The following PKHD1L1 variants were observed in gnomAD, a reference collection of about 807,000 sequenced individuals.
The protein encoded by PKHD1L1 is fibrocystin-L.
A neutral mutation model predicts 462.9 loss-of-function variants in PKHD1L1; 434 were observed. The ratio of observed to expected loss-of-function variants is 0.94; its 90% CI spans 0.87 to 1.02. PKHD1L1 has a LOEUF of 1.02. Among genes scored for constraint, PKHD1L1 ranks in the 50% least tolerant of loss-of-function variants. The pLI is 0.00. For missense variants in PKHD1L1, 5,202 were observed against 5,096.1 expected, an observed-to-expected ratio of 1.02 and a Z score of -0.63; for synonymous variants, 1,781 against 1,750.0, an observed-to-expected ratio of 1.02 and a Z score of -0.44.
At position 109,438,989 on chromosome 8, in the gene PKHD1L1, C is replaced by G. The variant is rs767473802; in HGVS notation, c.3853C>G (p.Leu1285Val). Residue 1285 changes from leucine to valine, a missense_variant, in exon 32 of 78, where the codon CTT (leucine) becomes GTT (valine). Physicochemically the swap from Leu to Val is conservative, Grantham distance 32. This residue lies in a region of PKHD1L1 where 4,497 missense variants were observed against 4,336.8 expected (regional missense o/e 1.04). Transcript: ENST00000378402. Reference sequence around the variant, plus strand: ...TGTTGGAGGAAAAACCTGCCAGATTCTTCACTGGAACTTCACAGATATTAG... The same window carrying G: ...TGTTGGAGGAAAAACCTGCCAGATTGTTCACTGGAACTTCACAGATATTAG... ...VYVGGKTCQI[L>V]HWNFTDIRCL... is the part of the protein sequence containing the mutation. The G allele has an allele frequency of 6.2e-7, 1 of 1,613,656 alleles. No individual in the cohort carries two copies. Among genetic ancestry groups the G allele is most frequent in the South Asian group, 1.1e-5 (1 of 91,072 alleles).
Position 109,522,355 on chromosome 8 carries a change from G to A in PKHD1L1, c.12183+18G>A. The A allele has an allele frequency of 1.3e-6, 2 of 1,512,176 alleles. No individual in the cohort carries two copies. Among genetic ancestry groups the A allele is most frequent in the Admixed American group, 2.4e-5 (1 of 42,140 alleles). 93.7% of individuals were successfully genotyped at this position (1,512,176 alleles called of 1,614,324 possible). A position where few individuals can be genotyped will look rare whatever the true frequency, so the allele number is the denominator to read the frequency against. Reference sequence around the variant, plus strand: ...GGATTAAGGTAAGAAAATGCAACTAGAAAAAATGCATTTTTTGGGACTTAA... The same window carrying A: ...GGATTAAGGTAAGAAAATGCAACTAAAAAAAATGCATTTTTTGGGACTTAA... On this transcript the variant is annotated intron_variant, in intron 74 of 77. Transcript: ENST00000378402.
At chr8:109,423,164 T>C (rs1814561297) in intron 23 of PKHD1L1, among the ~76,000 whole-genome samples, 1 of 152,138 alleles carries the variant, frequency 6.6e-6, no homozygotes, top group Non-Finnish European at 1.5e-5. Context: ...TTTATCACTT[T>C]TTTTTTTCTT....
chr8:109,459,379 C>T (rs1816988256), intron 46 of PKHD1L1, among the ~76,000 whole-genome samples: 1 of 152,012 alleles, frequency 6.6e-6, no homozygotes, highest in South Asian at 2.1e-4. Context: ...GAATGTAGAC[C>T]TTGAAAAATA....
chr8:109,444,661 G>T lies in PKHD1L1; in HGVS notation c.4792G>T (p.Val1598Phe), dbSNP rs1295187804. ...TATTTTGTATTCATTTTACTTACAGGTTACAATTGGTAGCTACCCCTGTGT... is the reference window on the plus strand; with the variant it reads ...TATTTTGTATTCATTTTACTTACAGTTTACAATTGGTAGCTACCCCTGTGT... ...GFSNLPWANK[V>F]TIGSYPCVVE... Residue 1598 changes from valine (V) to phenylalanine (F), a missense_variant and splice_region_variant, in exon 38 of 78, where the codon GTT becomes TTT. Around this residue, in one of 3 missense-constraint regions of PKHD1L1, gnomAD observed 4,497 missense variants for 4,336.8 expected, o/e 1.04. Coordinates refer to ENST00000378402, the MANE Select transcript of PKHD1L1 (RefSeq NM_177531.6). 1.2e-6 allele frequency: 2 copies of T among 1,609,170 alleles called. No individual in the cohort carries two copies. Among genetic ancestry groups the T allele is most frequent in the Non-Finnish European group, 8.5e-7 (1 of 1,176,626 alleles).
In PKHD1L1 at chr8:109,535,325, A is replaced by G. The variant is rs1166122693; in HGVS notation, c.*5235A>G. Among the ~76,000 whole-genome samples, 1 of 152,196 alleles carries G rather than the reference A, an allele frequency of 6.6e-6. No individual in the cohort carries two copies. Among genetic ancestry groups the G allele is most frequent in the Admixed American group, 6.5e-5 (1 of 15,278 alleles). On this transcript the variant is annotated 3_prime_UTR_variant, in exon 78 of 78. Coordinates refer to ENST00000378402, the MANE Select transcript of PKHD1L1 (RefSeq NM_177531.6). ...CATTTAGGCAGATGATCCTTTATAT[A>G]TGTAAACGCTATAAATTCTTAGGAA...
chr8:109,505,695 T>G (rs137955631), intron 68 of PKHD1L1, among the ~76,000 whole-genome samples: 4 of 152,120 alleles, frequency 2.6e-5, no homozygotes, highest in Admixed American at 2.6e-4. Context: ...GCCCAGGAGT[T>G]TGAGGCCAGC....
Position 109,419,088 on chromosome 8 carries a change from G to T in PKHD1L1, c.2361-9G>T, listed in dbSNP as rs376804668. ...GATCTATACAACAAATTAATCAACC[G>T]TATTTCAGCTGGACTTACACTTGCA... On this transcript the variant is annotated splice_polypyrimidine_tract_variant and intron_variant, in intron 21 of 77. Transcript: ENST00000378402. 1 of 1,607,386 alleles carries T rather than the reference G, an allele frequency of 6.2e-7. No individual in the cohort carries two copies. Among genetic ancestry groups the T allele is most frequent in the Non-Finnish European group, 8.5e-7 (1 of 1,175,556 alleles).
intron 46 of PKHD1L1, 62 bp from the exon 47 acceptor site, chr8:109,459,533 C>T (rs77992760): frequency 0.067 from 87,183 of 1,297,344 alleles, 3,281 homozygotes; most frequent in Non-Finnish European, 0.077. Context: ...ACAAATATAC[C>T]AAAACAATAT....
At position 109,420,624 on chromosome 8, in the gene PKHD1L1, T is replaced by C. The variant is rs758596180; in HGVS notation, c.2631T>C (p.Tyr877=). The change falls in exon 23 of 78, where the codon TAT becomes TAC. Residue 877 remains tyrosine (Y), a synonymous_variant. Transcript: ENST00000378402. ...ATGGGCCAACTATGACAAACCAATA[T>C]TCTGTTACCATGACTTCATACAATT... ...KTNGPTMTNQ[Y]SVTMTSYNCS... is the part of the protein sequence containing the mutation. 2 of 1,609,594 alleles carry C rather than the reference T, an allele frequency of 1.2e-6. No homozygotes were observed. Among genetic ancestry groups the C allele is most frequent in the East Asian group, 2.3e-5 (1 of 44,382 alleles).
chr8:109,444,675 C>T lies in PKHD1L1; in HGVS notation c.4806C>T (p.Ser1602=). The T allele has an allele frequency of 6.2e-7, 1 of 1,611,936 alleles. No individual in the cohort carries two copies. Among genetic ancestry groups the T allele is most frequent in the Non-Finnish European group, 8.5e-7 (1 of 1,178,376 alleles). Residue 1602 remains serine (S), a synonymous_variant, in exon 38 of 78, where the codon AGC becomes AGT. Transcript: ENST00000378402. The part of the protein sequence containing the change: ...LPWANKVTIG[S]YPCVVEESSE... ...TTTACTTACAGGTTACAATTGGTAG[C>T]TACCCCTGTGTCGTAGAAGAAAGTA...
At chr8:109,372,897 T>A (rs1337313589) in intron 2 of PKHD1L1, among the ~76,000 whole-genome samples, 2 of 152,302 alleles carry the variant, frequency 1.3e-5, no homozygotes, top group African/African-American at 2.4e-5. Context: ...TGCTGCTGGA[T>A]TTGGTTTGCC....
chr8:109,526,455 C>T (rs758268747), intron 76 of PKHD1L1, among the ~76,000 whole-genome samples: 7 of 152,188 alleles, frequency 4.6e-5, no homozygotes, highest in Non-Finnish European at 1.0e-4. Flanking sequence ...TCAGCACCCT[C>T]ACCTCTCTTC....
In PKHD1L1 at chr8:109,533,010, T is replaced by C. The variant is rs1821074820; in HGVS notation, c.*2920T>C. 1.3e-5 allele frequency among the ~76,000 whole-genome samples: 2 copies of C among 152,254 alleles called. No homozygotes were observed. Among genetic ancestry groups the C allele is most frequent in the African/African-American group, 4.8e-5 (2 of 41,466 alleles). ...TCTCCAAATGAGGAAACTTGAAATGTTGAAGGGTTAGGTTAAATTCCCAAG... is the reference window on the plus strand; with the variant it reads ...TCTCCAAATGAGGAAACTTGAAATGCTGAAGGGTTAGGTTAAATTCCCAAG... On this transcript the variant is annotated 3_prime_UTR_variant, in exon 78 of 78. Transcript: ENST00000378402.
chr8:109,502,342 A>T (rs1044925677), intron 67 of PKHD1L1, among the ~76,000 whole-genome samples: 1 of 152,212 alleles, frequency 6.6e-6, no homozygotes. Flanking sequence ...CCTGTGGAAG[A>T]TAAGATTTGT....
At chr8:109,440,305 C>G (rs1586515649) in intron 32 of PKHD1L1, among the ~76,000 whole-genome samples, 1 of 152,046 alleles carries the variant, frequency 6.6e-6, no homozygotes, top group Non-Finnish European at 1.5e-5. Flanking sequence ...TTATACAAAA[C>G]TTTGATTACT....
At chr8:109,449,616 A>G (rs1816369819) in intron 40 of PKHD1L1, 129 bp downstream of exon 40, 2 of 708,856 alleles carry the variant, frequency 2.8e-6, no homozygotes, top group Admixed American at 7.9e-5. Flanking sequence ...TCCTGATTCT[A>G]AGCAATTTCT....
At chr8:109,404,047 A>G (rs970838796) in intron 14 of PKHD1L1, among the ~76,000 whole-genome samples, 1 of 152,162 alleles carries the variant, frequency 6.6e-6, no homozygotes, top group Non-Finnish European at 1.5e-5. Flanking sequence ...TCTGACCGGT[A>G]AAAGTTTCCT....
At chr8:109,456,461 A>C in intron 46 of PKHD1L1, 70 bp downstream of exon 46, 1 of 1,395,550 alleles carries the variant, frequency 7.2e-7, no homozygotes, top group Non-Finnish European at 9.5e-7. Flanking sequence ...AAGAGGGACA[A>C]TTCAGATGGT....
intron 43 of PKHD1L1, among the ~76,000 whole-genome samples, 173 bp downstream of exon 43, chr8:109,453,047 A>G (rs1816627164): frequency 6.6e-6 from 1 of 152,200 alleles, no homozygotes; most frequent in African/African-American, 2.4e-5. Context: ...TTATGATATT[A>G]TTTAATGTGT....
Sources: gnomAD v4.1 joint callset for allele counts (sites outside exome capture counted in the v4.1 genomes callset) on GRCh38, gnomAD v4.1.1 for gene constraint, gnomAD v4.1.1 regional missense constraint, MANE v1.5 for transcripts, NCBI Gene and HGNC (gene_info 2026-07-23, HGNC 2026-07-21) for gene names.